Variants in SLC27A6 observed in about 807,000 individuals in gnomAD.
SLC27A6 encodes the protein long-chain fatty acid transport protein 6.
A neutral mutation model predicts 63.9 loss-of-function variants in SLC27A6; 74 were observed. That is an observed-to-expected ratio of 1.16 (90% CI 0.96 to 1.40). SLC27A6 has a LOEUF of 1.40. SLC27A6 is among the 40% of genes most tolerant of loss of function. SLC27A6 has a pLI of 0.00. For missense variants in SLC27A6, 794 were observed against 732.9 expected, an observed-to-expected ratio of 1.08 and a Z score of -0.96; for synonymous variants, 287 against 260.8, an observed-to-expected ratio of 1.10 and a Z score of -0.97.
intron 1 of SLC27A6, among the ~76,000 whole-genome samples, chr5:128,969,781 C>T (rs1380297667): frequency 6.6e-6 from 1 of 152,154 alleles, no homozygotes; most frequent in Non-Finnish European, 1.5e-5. Flanking sequence ...ATTGCCCTGG[C>T]CAGAATTTCC....
Position 128,988,595 on chromosome 5 carries a change from T to C in SLC27A6, c.686-5T>C. 1 of 1,613,088 alleles carries C rather than the reference T, an allele frequency of 6.2e-7. No individual in the cohort carries two copies. The highest frequency in any genetic ancestry group is 8.5e-7 in the Non-Finnish European group (1 of 1,179,418). On this transcript the variant is annotated splice_polypyrimidine_tract_variant and splice_region_variant and intron_variant, in intron 2 of 9. Transcript: ENST00000262462. Reference sequence around the variant, plus strand: ...TATATTTCCTGTTCTTTTCTTTTCTTCCAGGTCTACCAAAAGCAGCTGTGA... The same window carrying C: ...TATATTTCCTGTTCTTTTCTTTTCTCCCAGGTCTACCAAAAGCAGCTGTGA...
intron 2 of SLC27A6, among the ~76,000 whole-genome samples, chr5:128,985,979 G>T (rs1452432125): frequency 6.6e-6 from 1 of 152,118 alleles, no homozygotes; most frequent in Non-Finnish European, 1.5e-5. Flanking sequence ...TTTATTTTAA[G>T]TAAACAACAG....
At position 129,029,723 on chromosome 5, in the gene SLC27A6, G is replaced by A. The variant is rs531286377; in HGVS notation, c.1683+16G>A. 5 of 1,589,154 alleles carry A rather than the reference G, an allele frequency of 3.1e-6. No homozygotes were observed. Among genetic ancestry groups the A allele is most frequent in the South Asian group, 1.2e-5 (1 of 86,612 alleles). ...AAGAATTCAGGTAATTTTAGTGGCG[G>A]AGTTTACTATCAAATATAAGACAGT... is the stretch of plus-strand genomic sequence containing the variant. On this transcript the variant is annotated intron_variant, in intron 9 of 9. Transcript: ENST00000262462.
rs923871853 is a variant in SLC27A6 at position 128,995,605 on chromosome 5, G to C, written c.969+5141G>C. On this transcript the variant is annotated intron_variant, in intron 4 of 9. Transcript: ENST00000262462. ...ACAGAAATAGTAATCTATGAGCCGA[G>C]GACCTGATATGACAAGTGGGATCCA... Among the ~76,000 whole-genome samples, 3 of 152,134 alleles carry C rather than the reference G, an allele frequency of 2.0e-5. No individual in the cohort carries two copies. The South Asian group carries it at 6.2e-4, about 32-fold the overall frequency.
At chr5:128,969,822 G>A (rs1750068134) in intron 1 of SLC27A6, among the ~76,000 whole-genome samples, 1 of 152,188 alleles carries the variant, frequency 6.6e-6, no homozygotes, top group Admixed American at 6.5e-5. Flanking sequence ...TGGTGAGAGA[G>A]GGCATCCCTG....
intron 5 of SLC27A6, among the ~76,000 whole-genome samples, chr5:129,022,497 C>T (rs532104488): frequency 1.3e-5 from 2 of 152,116 alleles, no homozygotes; most frequent in African/African-American, 2.4e-5. Flanking sequence ...CTTATCTTTT[C>T]CCACTTATTT....
At position 129,015,970 on chromosome 5, in the gene SLC27A6, T is replaced by G; in HGVS notation, c.1055T>G (p.Phe352Cys). 1 of 1,609,756 alleles carries G rather than the reference T, an allele frequency of 6.2e-7. No individual in the cohort carries two copies. The highest frequency in any genetic ancestry group is 8.5e-7 in the Non-Finnish European group (1 of 1,178,352). Residue 352 changes from phenylalanine (F) to cysteine (C), a missense_variant, in exon 5 of 10, where the codon TTT (phenylalanine) becomes TGT (cysteine). Physicochemically the swap from Phe to Cys is radical, Grantham distance 205. Coordinates refer to ENST00000262462, the MANE Select transcript of SLC27A6 (RefSeq NM_001017372.3). ...SDVWREFLDR[F>C]GNIKVCELYA... The stretch of plus-strand genomic sequence containing the variant: ...GTATGGAGAGAATTTTTAGACAGAT[T>G]TGGAAATATAAAGGTGTGTGAACTT...
chr5:129,001,991 A>C (rs1751350580), intron 4 of SLC27A6, among the ~76,000 whole-genome samples: 1 of 152,176 alleles, frequency 6.6e-6, no homozygotes, highest in Non-Finnish European at 1.5e-5. Context: ...ACATCTCTCA[A>C]ATAACCTTTT....
chr5:129,019,191 C>A (rs1455696050), intron 5 of SLC27A6, among the ~76,000 whole-genome samples: 1 of 151,896 alleles, frequency 6.6e-6, no homozygotes, highest in African/African-American at 2.4e-5. Flanking sequence ...AGATATTGTC[C>A]CACATATTCT....
At chr5:128,995,916 G>A (rs1179459920) in intron 4 of SLC27A6, among the ~76,000 whole-genome samples, 1 of 152,178 alleles carries the variant, frequency 6.6e-6, no homozygotes, top group African/African-American at 2.4e-5. Flanking sequence ...GATAGGAAGT[G>A]AAGGAATGGG....
At chr5:128,999,629 A>G (rs1415609143) in intron 4 of SLC27A6, among the ~76,000 whole-genome samples, 3 of 151,902 alleles carry the variant, frequency 2.0e-5, no homozygotes, top group Non-Finnish European at 4.4e-5. Context: ...AACTTTTTAC[A>G]CCCCGCTAGT....
chr5:128,994,306 C>G (rs1751081696), intron 4 of SLC27A6, among the ~76,000 whole-genome samples: 1 of 152,048 alleles, frequency 6.6e-6, no homozygotes, highest in South Asian at 2.1e-4. Context: ...ACAGCTTTAC[C>G]CAAAGGGAAA....
At chr5:129,008,591 G>A (rs537247989) in intron 4 of SLC27A6, among the ~76,000 whole-genome samples, 11 of 152,306 alleles carry the variant, frequency 7.2e-5, no homozygotes, top group Admixed American at 3.9e-4. Flanking sequence ...GCTGTTTGAC[G>A]CAGGAAAATG....
chr5:129,032,971 G>A (rs1207968411), intron 9 of SLC27A6, 135 bp from the exon 10 acceptor site: 1 of 476,298 alleles, frequency 2.1e-6, no homozygotes, highest in Non-Finnish European at 3.5e-6. Flanking sequence ...TATTTCTAGT[G>A]TTAAATTATT....
At chr5:129,031,350 T>G (rs939271851) in intron 9 of SLC27A6, among the ~76,000 whole-genome samples, 2 of 152,050 alleles carry the variant, frequency 1.3e-5, no homozygotes, top group African/African-American at 4.8e-5. Context: ...AGTATTGTAT[T>G]ACAAATCTAT....
Position 128,966,201 on chromosome 5 carries a change from C to A in SLC27A6, c.64C>A (p.Leu22Ile). The stretch of plus-strand genomic sequence containing the variant: ...GGTCGTCCTGCACTTCTTGCAGAAA[C>A]TCCTGTTCCCTTACTTTTGGGATGA... Reference protein sequence around the residue: ...GMVVLHFLQKLLFPYFWDDFW... With the variant: ...GMVVLHFLQKILFPYFWDDFW... Residue 22 changes from leucine to isoleucine, a missense_variant, in exon 1 of 10, where the codon CTC becomes ATC. Leu to Ile is a conservative substitution (Grantham distance 5). Coordinates refer to ENST00000262462, the MANE Select transcript of SLC27A6 (RefSeq NM_001017372.3). The A allele has an allele frequency of 6.3e-7, 1 of 1,595,946 alleles. No individual in the cohort carries two copies. Among genetic ancestry groups the A allele is most frequent in the Non-Finnish European group, 8.6e-7 (1 of 1,168,288 alleles).
intron 4 of SLC27A6, among the ~76,000 whole-genome samples, chr5:129,012,468 A>G (rs1375415138): frequency 6.6e-6 from 1 of 152,146 alleles, no homozygotes; most frequent in Non-Finnish European, 1.5e-5. Flanking sequence ...TGTTCTGTAT[A>G]CATAAATTAG....
intron 2 of SLC27A6, among the ~76,000 whole-genome samples, chr5:128,988,295 G>A (rs1389729219): frequency 6.6e-6 from 1 of 152,150 alleles, no homozygotes; most frequent in African/African-American, 2.4e-5. Context: ...GAAACCAAAT[G>A]TGTGCTACCA....
intron 4 of SLC27A6, among the ~76,000 whole-genome samples, chr5:129,009,558 TTTCTC>T (rs769447291): frequency 1.7e-4 from 26 of 152,316 alleles, no homozygotes; most frequent in African/African-American, 6.0e-4. Context: ...CATTACAACT[TTTCTC>T]TTTTCATTCC....
Sources: allele counts gnomAD v4.1 joint callset (sites outside exome capture counted in the v4.1 genomes callset), GRCh38; gene constraint gnomAD v4.1.1; transcripts MANE v1.5; gene names NCBI Gene and HGNC (gene_info 2026-07-23, HGNC 2026-07-21).